The following ABHD6 variants were observed in gnomAD, a reference collection of about 807,000 sequenced individuals.
The protein encoded by ABHD6 is monoacylglycerol lipase ABHD6.
ABHD6 carries 33 observed loss-of-function variants against 38.8 expected under a neutral mutation model. The ratio of observed to expected loss-of-function variants is 0.85; its 90% CI spans 0.64 to 1.14. ABHD6 has a LOEUF of 1.14. Among genes scored for constraint, ABHD6 ranks in the 50% most tolerant of loss-of-function variants. The probability of loss-of-function intolerance (pLI) is 0.00; values close to 1 mark genes in which losing one functional copy is unlikely to be tolerated. For synonymous variants in ABHD6, 147 were observed against 161.6 expected (o/e 0.91, Z 0.69); for missense variants, 380 against 422.6 (o/e 0.90, Z 0.88).
rs985837518 is a variant in ABHD6 at position 58,266,199 on chromosome 3, A to G, written c.120-990A>G. Among the ~76,000 whole-genome samples the G allele has an allele frequency of 6.6e-6, 1 of 152,204 alleles. No individual in the cohort carries two copies. The highest frequency in any genetic ancestry group is 6.5e-5 in the Admixed American group (1 of 15,278). ...TAACCAGCTGGACGTCTGTAACCCAAGCACTTTGGGAGGCCAACGTGGATG... is the reference window on the plus strand; with the variant it reads ...TAACCAGCTGGACGTCTGTAACCCAGGCACTTTGGGAGGCCAACGTGGATG... On this transcript the variant is annotated intron_variant, in intron 3 of 9. Coordinates refer to ENST00000478253, the MANE Select transcript of ABHD6 (RefSeq NM_001320126.2). The surrounding 1 kb of genome is among the most constrained non-coding windows in gnomAD (Gnocchi z 4.0).
chr3:58,266,383 G>A lies in ABHD6; in HGVS notation c.120-806G>A, dbSNP rs56053580. Among the ~76,000 whole-genome samples the A allele has an allele frequency of 0.028, 4,310 of 151,544 alleles. 209 individuals are homozygous for A. The highest frequency in any genetic ancestry group is 0.098 in the African/African-American group (4,044 of 41,228). ...TGCTTGAACCCGGGAGGTGGAGGTT[G>A]CAGTGAGCGGAAATTGCCCCAGCGT... On this transcript the variant is annotated intron_variant, in intron 3 of 9. Transcript: ENST00000478253. The surrounding 1 kb of genome is among the most constrained non-coding windows in gnomAD (Gnocchi z 4.0).
At chr3:58,282,952 C>G (rs1380481898) in intron 7 of ABHD6, among the ~76,000 whole-genome samples, 2 of 152,156 alleles carry the variant, frequency 1.3e-5, no homozygotes, top group Non-Finnish European at 2.9e-5. Flanking sequence ...GGTTATGGGA[C>G]TGAATGAAGT....
At chr3:58,240,854 C>G (rs1450773087) in intron 1 of ABHD6, among the ~76,000 whole-genome samples, 1 of 151,986 alleles carries the variant, frequency 6.6e-6, no homozygotes, top group Non-Finnish European at 1.5e-5. Flanking sequence ...CCTCAGCCTC[C>G]AGAGTAGCTG....
At chr3:58,271,428 C>T (rs1298016173) in intron 6 of ABHD6, among the ~76,000 whole-genome samples, 1 of 151,868 alleles carries the variant, frequency 6.6e-6, no homozygotes, top group Non-Finnish European at 1.5e-5. Flanking sequence ...TATTAACATC[C>T]AACATTTATC....
In ABHD6 at chr3:58,269,339, C is replaced by T. The variant is rs945523614; in HGVS notation, c.295C>T (p.His99Tyr). ...TCCTCAGTTCCTTCCAAAGAACCTG[C>T]ACTTGGTCTGCGTGGACATGCCAGG... is the stretch of plus-strand genomic sequence containing the variant. The part of the protein sequence containing the change: ...SVVKFLPKNL[H>Y]LVCVDMPGHE... Residue 99 changes from histidine to tyrosine, a missense_variant, in exon 5 of 10, where the codon CAC becomes TAC. Coordinates refer to ENST00000478253, the MANE Select transcript of ABHD6 (RefSeq NM_001320126.2). The surrounding 1 kb of genome is among the most constrained non-coding windows in gnomAD (Gnocchi z 4.4). The T allele has an allele frequency of 1.2e-6, 2 of 1,613,710 alleles. No homozygotes were observed. The highest frequency in any genetic ancestry group is 1.3e-5 in the African/African-American group (1 of 74,916).
At chr3:58,243,668 CT>C (rs796845241) in intron 1 of ABHD6, among the ~76,000 whole-genome samples, 6 of 147,654 alleles carry the variant, frequency 4.1e-5, no homozygotes, top group South Asian at 2.2e-4. Context: ...CAGAAGTTTT[CT>C]TTTTTTTTTG....
chr3:58,286,822 A>ATG lies in ABHD6; in HGVS notation c.837+1399_837+1400dup, dbSNP rs56020810. ...GCATATAAGATATATAAGATCATAT[A>ATG]TGTGTGTGTGTGTGTGTGTGTGTGT... On this transcript the variant is annotated intron_variant, in intron 9 of 9. Coordinates refer to ENST00000478253, the MANE Select transcript of ABHD6 (RefSeq NM_001320126.2). 4.7e-3 allele frequency among the ~76,000 whole-genome samples: 354 copies of ATG among 74,752 alleles called. 14 individuals carry two copies. The highest frequency in any genetic ancestry group is 0.024 in the Middle Eastern group (4 of 170). The allele number at this position is 74,752 out of a possible 152,430, so 49.0% of individuals were successfully genotyped here.
chr3:58,261,181 A>G (rs987668558), intron 3 of ABHD6, among the ~76,000 whole-genome samples: 2 of 152,228 alleles, frequency 1.3e-5, no homozygotes, highest in Non-Finnish European at 2.9e-5. Context: ...AAGGTAAGAA[A>G]TAATAGTGAA....
rs139533510 is a variant in ABHD6 at position 58,287,564 on chromosome 3, C to T, written c.837+2111C>T. ...GGATCTCATGTGCTCTCTTCTGCAG[C>T]GCCAAGGGACTGAAAGAAGCTTTGT... On this transcript the variant is annotated intron_variant, in intron 9 of 9. Coordinates refer to ENST00000478253, the MANE Select transcript of ABHD6 (RefSeq NM_001320126.2). The surrounding 1 kb of genome is among the most constrained non-coding windows in gnomAD (Gnocchi z 4.7). 3.7e-4 allele frequency among the ~76,000 whole-genome samples: 56 copies of T among 152,254 alleles called. No homozygotes were observed. The highest frequency in any genetic ancestry group is 1.2e-3 in the African/African-American group (49 of 41,534).
chr3:58,249,396 G>A (rs756331991), intron 1 of ABHD6, among the ~76,000 whole-genome samples: 33 of 152,104 alleles, frequency 2.2e-4, no homozygotes, highest in Non-Finnish European at 4.7e-4. Context: ...TGAGCAGTTT[G>A]TAGCGCCTCC....
intron 7 of ABHD6, among the ~76,000 whole-genome samples, chr3:58,280,998 A>C (rs1297043781): frequency 6.6e-6 from 1 of 152,116 alleles, no homozygotes; most frequent in Admixed American, 6.5e-5. Context: ...CGGCCGTATG[A>C]GGTGTCAATC....
In ABHD6 at chr3:58,293,041, T is replaced by TG. The variant is rs1294827873; in HGVS notation, c.838-547dup. Among the ~76,000 whole-genome samples, 1 of 152,148 alleles carries TG rather than the reference T, an allele frequency of 6.6e-6. No homozygotes were observed. Among genetic ancestry groups the TG allele is most frequent in the Non-Finnish European group, 1.5e-5 (1 of 68,034 alleles). Reference sequence around the variant, plus strand: ...TCAAGTCACTCACCTTAACACAGCCTGTGGTTCCCCATGGTCCGTGTGGCT... The same window carrying TG: ...TCAAGTCACTCACCTTAACACAGCCTGGTGGTTCCCCATGGTCCGTGTGGCT... On this transcript the variant is annotated intron_variant, in intron 9 of 9. Coordinates refer to ENST00000478253, the MANE Select transcript of ABHD6 (RefSeq NM_001320126.2). This position sits in a 1 kb window ranked among gnomAD's most constrained non-coding sequence, Gnocchi z 4.4.
At chr3:58,245,587 T>C (rs2097425817) in intron 1 of ABHD6, among the ~76,000 whole-genome samples, 1 of 151,900 alleles carries the variant, frequency 6.6e-6, no homozygotes, top group African/African-American at 2.4e-5. Flanking sequence ...AAGTCCAGCC[T>C]GGCCAACATG....
chr3:58,279,905 T>A (rs1007764265), intron 7 of ABHD6, among the ~76,000 whole-genome samples: 1 of 152,162 alleles, frequency 6.6e-6, no homozygotes, highest in African/African-American at 2.4e-5. Context: ...TTTAAGAATG[T>A]TGAATATTAG....
At chr3:58,274,262 A>G (rs2097447132) in intron 6 of ABHD6, among the ~76,000 whole-genome samples, 1 of 152,170 alleles carries the variant, frequency 6.6e-6, no homozygotes, top group South Asian at 2.1e-4. Context: ...TTTCCTGTCA[A>G]CACTCAGATA....
At chr3:58,271,335 A>T (rs1355774434) in intron 6 of ABHD6, among the ~76,000 whole-genome samples, 6 of 9,274 alleles carry the variant, frequency 6.5e-4, no homozygotes, top group Admixed American at 1.0e-3. Flanking sequence ...TTAAAATTTA[A>T]AAAAAAAAAA....
intron 3 of ABHD6, among the ~76,000 whole-genome samples, chr3:58,258,972 T>A (rs2097435166): frequency 6.6e-6 from 1 of 152,226 alleles, no homozygotes. Context: ...TTCTGTGCTT[T>A]GTGGGCTAAG....
chr3:58,273,486 C>T lies in ABHD6; in HGVS notation c.524-1172C>T, dbSNP rs1229779179. On this transcript the variant is annotated intron_variant, in intron 6 of 9. Coordinates refer to ENST00000478253, the MANE Select transcript of ABHD6 (RefSeq NM_001320126.2). This position sits in a 1 kb window ranked among gnomAD's most constrained non-coding sequence, Gnocchi z 4.8. ...ACTTGGAACTAACCCAAATGCCCAC[C>T]AATGATAAACTGGATAAAGAAAATG... Among the ~76,000 whole-genome samples the T allele has an allele frequency of 6.6e-6, 1 of 152,066 alleles. No homozygotes were observed. The highest frequency in any genetic ancestry group is 1.9e-4 in the East Asian group (1 of 5,194).
In ABHD6 at chr3:58,259,940, T is replaced by C. The variant is rs2097435879; in HGVS notation, c.119+3235T>C. On this transcript the variant is annotated intron_variant, in intron 3 of 9. Coordinates refer to ENST00000478253, the MANE Select transcript of ABHD6 (RefSeq NM_001320126.2). This position sits in a 1 kb window ranked among gnomAD's most constrained non-coding sequence, Gnocchi z 4.7. ...CATTTCACGTAAACGGGGTTATACA[T>C]GTGTGACCTTTGTGTCTGGTTTCTC... Among the ~76,000 whole-genome samples, 1 of 152,210 alleles carries C rather than the reference T, an allele frequency of 6.6e-6. No homozygotes were observed. The highest frequency in any genetic ancestry group is 1.9e-4 in the East Asian group (1 of 5,200).
Sources: allele counts gnomAD v4.1 joint callset (sites outside exome capture counted in the v4.1 genomes callset), GRCh38; gene constraint gnomAD v4.1.1; non-coding constraint Gnocchi (gnomAD v3.1); transcripts MANE v1.5; gene names NCBI Gene and HGNC (gene_info 2026-07-23, HGNC 2026-07-21).